The following PACSIN2 variants were observed in gnomAD, a reference collection of about 807,000 sequenced individuals.
PACSIN2 encodes the protein protein kinase C and casein kinase substrate in neurons 2.
PACSIN2 carries 25 observed loss-of-function variants against 63.8 expected under a neutral mutation model. The observed-to-expected ratio is 0.39, with a 90% CI of 0.29 to 0.55. The LOEUF (loss-of-function observed/expected upper bound fraction) is 0.55. PACSIN2 is among the 20% of genes least tolerant of loss of function. The probability of loss-of-function intolerance (pLI) is 0.62; values close to 1 mark genes in which losing one functional copy is unlikely to be tolerated. For missense variants in PACSIN2, 518 were observed against 646.9 expected (o/e 0.80, Z 2.16); for synonymous variants, 255 against 256.2 (o/e 1.00, Z 0.05).
intron 1 of PACSIN2, among the ~76,000 whole-genome samples, chr22:42,968,175 G>A (rs900940512): frequency 2.6e-5 from 4 of 152,174 alleles, no homozygotes; most frequent in Non-Finnish European, 5.9e-5. Flanking sequence ...CACAAACAGC[G>A]TGACACTGCA....
At chr22:42,945,282 C>T (rs1352699822) in intron 1 of PACSIN2, among the ~76,000 whole-genome samples, 1 of 152,044 alleles carries the variant, frequency 6.6e-6, no homozygotes, top group African/African-American at 2.4e-5. Flanking sequence ...TGACACTCAC[C>T]AGCTCATTTC....
At chr22:42,902,708 G>A (rs1017653871) in intron 2 of PACSIN2, among the ~76,000 whole-genome samples, 1 of 152,122 alleles carries the variant, frequency 6.6e-6, no homozygotes, top group Non-Finnish European at 1.5e-5. Flanking sequence ...CTGCCTCCTG[G>A]GTTCAAGCGA....
At chr22:42,912,894 C>T (rs1931555684) in intron 1 of PACSIN2, among the ~76,000 whole-genome samples, 1 of 152,212 alleles carries the variant, frequency 6.6e-6, no homozygotes, top group Non-Finnish European at 1.5e-5. Flanking sequence ...AGACCTTCCT[C>T]ACTGCCACAG....
intron 1 of PACSIN2, among the ~76,000 whole-genome samples, chr22:42,921,315 T>C (rs1238211977): frequency 6.6e-5 from 10 of 150,394 alleles, no homozygotes; most frequent in Non-Finnish European, 1.3e-4. Flanking sequence ...GCCGAGATTG[T>C]GTCACTGTCG....
At chr22:42,899,166 C>T (rs949934424) in intron 2 of PACSIN2, among the ~76,000 whole-genome samples, 1 of 152,222 alleles carries the variant, frequency 6.6e-6, no homozygotes, top group African/African-American at 2.4e-5. Flanking sequence ...CCATTGCTTT[C>T]CACAGGGTCT....
At position 42,871,846 on chromosome 22, in the gene PACSIN2, CCCCAGGGCCCCGG is replaced by C. The variant is rs144052307; in HGVS notation, c.1349-390_1349-378del. 0.081 allele frequency among the ~76,000 whole-genome samples: 12,278 copies of C among 152,182 alleles called. 649 individuals carry two copies. The highest frequency in any genetic ancestry group is 0.12 in the Non-Finnish European group (8,247 of 67,984). On this transcript the variant is annotated intron_variant, in intron 10 of 10. Transcript: ENST00000263246. The surrounding 1 kb of genome is among the most constrained non-coding windows in gnomAD (Gnocchi z 5.4). Reference sequence around the variant, plus strand: ...TCACGTTGGGCCTCTTCTGTCCCCTCCCCAGGGCCCCGGCCGCCTTGCTCCCAGCAGCTGTCTC... The same window carrying C: ...TCACGTTGGGCCTCTTCTGTCCCCTCCCGCCTTGCTCCCAGCAGCTGTCTC...
intron 1 of PACSIN2, among the ~76,000 whole-genome samples, chr22:42,999,018 A>G (rs1233316717): frequency 6.6e-6 from 1 of 152,180 alleles, no homozygotes; most frequent in East Asian, 1.9e-4. Context: ...TCCCGCATTC[A>G]CCATCCTTCA....
intron 5 of PACSIN2, among the ~76,000 whole-genome samples, chr22:42,885,398 T>C (rs544522437): frequency 3.4e-4 from 52 of 152,134 alleles, no homozygotes; most frequent in Non-Finnish European, 5.0e-4. Flanking sequence ...GGGTGAGAGA[T>C]AGCAGGGCTG....
intron 1 of PACSIN2, among the ~76,000 whole-genome samples, chr22:42,935,076 C>T (rs996290298): frequency 4.6e-5 from 7 of 151,264 alleles, no homozygotes; most frequent in Non-Finnish European, 7.4e-5. Flanking sequence ...CCACCGCGCC[C>T]GGCTAATTTT....
intron 2 of PACSIN2, among the ~76,000 whole-genome samples, chr22:42,894,267 A>G (rs1217173453): frequency 1.3e-5 from 2 of 151,150 alleles, no homozygotes; most frequent in Non-Finnish European, 1.5e-5. Context: ...TTTTTGAGAC[A>G]CAGTCTCGCT....
intron 1 of PACSIN2, among the ~76,000 whole-genome samples, chr22:42,946,129 A>C (rs1039032950): frequency 1.3e-5 from 2 of 152,184 alleles, no homozygotes; most frequent in Non-Finnish European, 2.9e-5. Context: ...GGAGAAATCA[A>C]CTTCTCATAG....
rs115656758 is a variant in PACSIN2, at chr22:42,985,664, A to G, written c.-78+29357T>C. Among the ~76,000 whole-genome samples, 1,337 of 152,308 alleles carry G rather than the reference A, an allele frequency of 8.8e-3. 25 individuals are homozygous for G. The highest frequency in any genetic ancestry group is 0.031 in the African/African-American group (1,283 of 41,564). On this transcript the variant is annotated intron_variant, in intron 1 of 10. Transcript: ENST00000263246. The stretch of plus-strand genomic sequence containing the variant: ...CAGCCCCTCCAACAGACACACACAC[A>G]GACACATTCACATGTCATCCAGCTC...
At chr22:42,931,219 A>T (rs915499808) in intron 1 of PACSIN2, among the ~76,000 whole-genome samples, 5 of 152,242 alleles carry the variant, frequency 3.3e-5, no homozygotes, top group African/African-American at 1.2e-4. Context: ...ATATGTGAGA[A>T]GCAGCAATGA....
intron 10 of PACSIN2, among the ~76,000 whole-genome samples, chr22:42,874,873 A>C (rs2092666): frequency 0.42 from 58,229 of 140,200 alleles, 13,157 homozygotes; most frequent in Non-Finnish European, 0.47. Context: ...TTTTTTGAAA[A>C]AGAGTTTTGC....
In PACSIN2 at chr22:42,924,802, G is replaced by A. The variant is rs116385458; in HGVS notation, c.-77-12645C>T. ...CACAGTGTCTAGCTCTGTCGCCCAG[G>A]CTGAAGCGCAGTGGCACGATCTCAG... On this transcript the variant is annotated intron_variant, in intron 1 of 10. Coordinates refer to ENST00000263246, the MANE Select transcript of PACSIN2 (RefSeq NM_001184970.3). 8.1e-3 allele frequency among the ~76,000 whole-genome samples: 1,228 copies of A among 151,406 alleles called. 13 individuals are homozygous for A. The highest frequency in any genetic ancestry group is 0.028 in the African/African-American group (1,168 of 41,170).
At chr22:42,982,894 C>G (rs138277431) in intron 1 of PACSIN2, among the ~76,000 whole-genome samples, 1 of 88,274 alleles carries the variant, frequency 1.1e-5, no homozygotes, top group African/African-American at 4.0e-5. Context: ...AAAAAAACAA[C>G]AACAAGGCTA....
At position 42,899,881 on chromosome 22, in the gene PACSIN2, C is replaced by T. The variant is rs1048769291; in HGVS notation, c.61-6268G>A. ...ATGCCATTTACATCAATTAAGAATA[C>T]GTGCACATGAAGTAGGGGTGCGAAG... On this transcript the variant is annotated intron_variant, in intron 2 of 10. Transcript: ENST00000263246. Among the ~76,000 whole-genome samples, 8 of 152,310 alleles carry T rather than the reference C, an allele frequency of 5.3e-5. No individual in the cohort carries two copies. The East Asian group carries it at 7.7e-4, about 15-fold the overall frequency.
chr22:42,985,281 C>T (rs537937332), intron 1 of PACSIN2, among the ~76,000 whole-genome samples: 2 of 152,330 alleles, frequency 1.3e-5, no homozygotes, highest in Non-Finnish European at 2.9e-5. Context: ...GAGCCGAGAT[C>T]TCATCACCGC....
intron 1 of PACSIN2, among the ~76,000 whole-genome samples, chr22:42,970,250 T>C (rs1921152377): frequency 6.6e-6 from 1 of 152,230 alleles, no homozygotes; most frequent in Admixed American, 6.5e-5. Context: ...TGGTGAGTCA[T>C]GGCAGTATCA....
Sources: allele counts gnomAD v4.1 joint callset (sites outside exome capture counted in the v4.1 genomes callset), GRCh38; gene constraint gnomAD v4.1.1; non-coding constraint Gnocchi (gnomAD v3.1); transcripts MANE v1.5; gene names NCBI Gene and HGNC (gene_info 2026-07-23, HGNC 2026-07-21).